Variants in SOX5 observed in about 807,000 individuals in gnomAD.
SOX5 encodes the protein SRY-box transcription factor 5.
Under a neutral mutation model 92.0 loss-of-function variants are expected in SOX5, and 9 were observed. The ratio of observed to expected loss-of-function variants is 0.10; its 90% CI spans 0.06 to 0.17. The LOEUF is 0.17. Among genes scored for constraint, SOX5 ranks in the 10% least tolerant of loss-of-function variants. The probability of loss-of-function intolerance (pLI) is 1.00; values close to 1 mark genes in which losing one functional copy is unlikely to be tolerated. For synonymous variants in SOX5, 344 were observed against 336.3 expected, an observed-to-expected ratio of 1.02 and a Z score of -0.25; for missense variants, 642 against 944.5, an observed-to-expected ratio of 0.68 and a Z score of 4.20.
chr12:23,784,596 G>C (rs2095345226), intron 3 of SOX5, among the ~76,000 whole-genome samples: 2 of 152,138 alleles, frequency 1.3e-5, no homozygotes, highest in Non-Finnish European at 2.9e-5. Context: ...AAAGTGCTGG[G>C]ATTAGAGGCG....
chr12:23,831,835 AAGG>A (rs2096327688), intron 3 of SOX5, among the ~76,000 whole-genome samples: 1 of 152,018 alleles, frequency 6.6e-6, no homozygotes, highest in African/African-American at 2.4e-5. Flanking sequence ...TCTCACACAC[AAGG>A]AGCACACTCA....
intron 6 of SOX5, 50 bp from the exon 7 acceptor site, chr12:23,665,614 T>A: frequency 1.3e-6 from 2 of 1,553,948 alleles, no homozygotes; most frequent in Non-Finnish European, 1.7e-6. Context: ...CGATGCTCCA[T>A]GCTTCTTCCC....
chr12:24,236,025 T>C (rs964437592), intron 3 of SOX5, among the ~76,000 whole-genome samples: 12 of 151,754 alleles, frequency 7.9e-5, no homozygotes, highest in Non-Finnish European at 1.2e-4. Context: ...CCACCTCTAC[T>C]AAAAAAACAC....
At chr12:24,139,918 G>A (rs16927236) in intron 4 of SOX5, among the ~76,000 whole-genome samples, 40,306 of 151,904 alleles carry the variant, frequency 0.27, 6,146 homozygotes, top group African/African-American at 0.42. Context: ...GAATGAATAC[G>A]TGCACCGTCA....
intron 8 of SOX5, among the ~76,000 whole-genome samples, chr12:23,609,997 G>GA (rs1428780107): frequency 2.0e-5 from 3 of 152,142 alleles, no homozygotes; most frequent in Non-Finnish European, 2.9e-5. Flanking sequence ...TATGGGGCTA[G>GA]AAAAGGTCTG....
At chr12:24,344,941 A>T (rs1953055821) in intron 2 of SOX5, among the ~76,000 whole-genome samples, 1 of 152,176 alleles carries the variant, frequency 6.6e-6, no homozygotes, top group Non-Finnish European at 1.5e-5. Context: ...ACTCATATTA[A>T]AAAAATGTGT....
chr12:24,423,367 CT>C (rs1267922761), intron 1 of SOX5, among the ~76,000 whole-genome samples: 1 of 152,200 alleles, frequency 6.6e-6, no homozygotes, highest in Non-Finnish European at 1.5e-5. Context: ...TGAAATTTGT[CT>C]TTTGTGATTT....
At chr12:24,166,851 T>G (rs1953472275) in intron 4 of SOX5, among the ~76,000 whole-genome samples, 1 of 152,184 alleles carries the variant, frequency 6.6e-6, no homozygotes, top group Non-Finnish European at 1.5e-5. Flanking sequence ...TGTTGTCTTT[T>G]TGTCACCTCT....
At chr12:24,467,842 T>C (rs536281305) in intron 1 of SOX5, among the ~76,000 whole-genome samples, 12 of 152,288 alleles carry the variant, frequency 7.9e-5, no homozygotes, top group Admixed American at 3.3e-4. Context: ...GTTTTGAAAA[T>C]GTCTGGCCAT....
chr12:24,104,543 T>C (rs955657338), intron 4 of SOX5, among the ~76,000 whole-genome samples: 1 of 152,196 alleles, frequency 6.6e-6, no homozygotes, highest in Non-Finnish European at 1.5e-5. Context: ...CTAGGGCATA[T>C]AGAGAATGCT....
chr12:23,774,239 G>A (rs944858687), intron 3 of SOX5, among the ~76,000 whole-genome samples: 1 of 152,114 alleles, frequency 6.6e-6, no homozygotes, highest in Non-Finnish European at 1.5e-5. Context: ...TTATTTATGG[G>A]TTTAAATATG....
At chr12:23,788,513 C>T (rs188392712) in intron 3 of SOX5, among the ~76,000 whole-genome samples, 11,741 of 150,716 alleles carry the variant, frequency 0.078, 662 homozygotes, top group East Asian at 0.2. Context: ...GGTGGACTTA[C>T]GAGGTAATGT....
intron 2 of SOX5, among the ~76,000 whole-genome samples, chr12:24,353,533 A>T (rs538755137): frequency 6.6e-6 from 1 of 152,250 alleles, no homozygotes; most frequent in South Asian, 2.1e-4. Context: ...AGGGGTCGAC[A>T]TTCCTTGCTT....
chr12:24,271,791 G>C (rs574306342), intron 3 of SOX5, among the ~76,000 whole-genome samples: 1 of 152,228 alleles, frequency 6.6e-6, no homozygotes, highest in Non-Finnish European at 1.5e-5. Flanking sequence ...GCAAGAGTCT[G>C]ACTTCTCTAT....
At chr12:23,703,727 GACACAC>G (rs61366137) in intron 6 of SOX5, among the ~76,000 whole-genome samples, 1,509 of 148,814 alleles carry the variant, frequency 0.01, 18 homozygotes, top group Middle Eastern at 0.048. Context: ...TTTCTCAGGG[GACACAC>G]ACACACACAC....
At chr12:24,149,838 A>C (rs546878140) in intron 4 of SOX5, among the ~76,000 whole-genome samples, 1 of 152,214 alleles carries the variant, frequency 6.6e-6, no homozygotes. Context: ...TGCAATAATA[A>C]AGAATGTATT....
chr12:24,145,858 A>G (rs1478015037), intron 4 of SOX5, among the ~76,000 whole-genome samples: 4 of 152,210 alleles, frequency 2.6e-5, no homozygotes, highest in Non-Finnish European at 5.9e-5. Flanking sequence ...CAGGCAAAGT[A>G]ATTTTCCAAA....
At chr12:23,622,938 C>G (rs2077354574) in intron 8 of SOX5, among the ~76,000 whole-genome samples, 1 of 151,990 alleles carries the variant, frequency 6.6e-6, no homozygotes, top group African/African-American at 2.4e-5. Flanking sequence ...AACTTGATAC[C>G]TTTCCAGAAG....
intron 2 of SOX5, among the ~76,000 whole-genome samples, chr12:24,354,947 G>T (rs2141204167): frequency 6.6e-6 from 1 of 152,130 alleles, no homozygotes; most frequent in Admixed American, 6.5e-5. Flanking sequence ...TTTTTTATTT[G>T]TTTCCTTCTA....
Sources: allele counts gnomAD v4.1 joint callset (sites outside exome capture counted in the v4.1 genomes callset), GRCh38; gene constraint gnomAD v4.1.1; transcripts MANE v1.5; gene names NCBI Gene and HGNC (gene_info 2026-07-23, HGNC 2026-07-21).